Variants in CFAP210 observed in about 807,000 individuals in gnomAD.
CFAP210 encodes the protein cilia and flagella associated protein 210.
chr2:169,661,118 C>T, the CFAP210 span: 1 of 559,864 alleles, frequency 1.8e-6, no homozygotes, highest in Non-Finnish European at 3.6e-6. Context: ...TTTAATGCTG[C>T]TTCTAACCGC....
At chr2:169,655,055 A>G in the CFAP210 span, among the ~76,000 whole-genome samples, 1 of 152,256 alleles carries the variant, frequency 6.6e-6, no homozygotes, top group South Asian at 2.1e-4. Flanking sequence ...ATCTGTTCAT[A>G]TTAGCATATG....
chr2:169,668,318 T>C, the CFAP210 span, among the ~76,000 whole-genome samples: 1 of 152,244 alleles, frequency 6.6e-6, no homozygotes, highest in African/African-American at 2.4e-5. Flanking sequence ...CTTAAGGGAA[T>C]GTCAGGGCTG....
At chr2:169,656,123 C>T in the CFAP210 span, among the ~76,000 whole-genome samples, 2 of 152,098 alleles carry the variant, frequency 1.3e-5, no homozygotes, top group African/African-American at 4.8e-5. Flanking sequence ...ACCATCTCTA[C>T]AAAAAAGACC....
chr2:169,645,533 G>A, the CFAP210 span: 2 of 253,922 alleles, frequency 7.9e-6, no homozygotes, highest in Non-Finnish European at 1.5e-5. Context: ...GAATGGGTAT[G>A]GGGTTTCTAG....
At chr2:169,684,648 C>CGTTGTT in the CFAP210 span, among the ~76,000 whole-genome samples, 11 of 151,548 alleles carry the variant, frequency 7.3e-5, no homozygotes, top group Non-Finnish European at 1.2e-4. Context: ...GATTCCTTTT[C>CGTTGTT]GTTGTTGTTG....
chr2:169,657,516 G>C, the CFAP210 span, among the ~76,000 whole-genome samples: 2 of 152,094 alleles, frequency 1.3e-5, no homozygotes, highest in Non-Finnish European at 2.9e-5. Flanking sequence ...CCAAGAGTTC[G>C]AGACCAGCCT....
At chr2:169,670,487 T>C in the CFAP210 span, among the ~76,000 whole-genome samples, 5 of 152,340 alleles carry the variant, frequency 3.3e-5, no homozygotes, top group Admixed American at 2.6e-4. Context: ...TAAAACTTAA[T>C]AGCTTAAAAC....
the CFAP210 span, chr2:169,681,166 C>CT: frequency 6.2e-7 from 1 of 1,613,928 alleles, no homozygotes; most frequent in Non-Finnish European, 8.5e-7. Flanking sequence ...TGGTGACCTG[C>CT]TGGAGATCTA....
chr2:169,663,275 T>C, the CFAP210 span, among the ~76,000 whole-genome samples: 22 of 52,824 alleles, frequency 4.2e-4, no homozygotes, highest in South Asian at 7.5e-3. Context: ...CTCTCTCTCT[T>C]TTTTTTTTTT....
chr2:169,686,571 A>C, the CFAP210 span, among the ~76,000 whole-genome samples: 5 of 152,190 alleles, frequency 3.3e-5, no homozygotes, highest in African/African-American at 1.2e-4. Flanking sequence ...GTCTGGAAGT[A>C]ATGCAGGGCA....
chr2:169,681,016 A>G, the CFAP210 span: 1 of 1,613,712 alleles, frequency 6.2e-7, no homozygotes, highest in Non-Finnish European at 8.5e-7. Context: ...CTGCATATGT[A>G]TTAGTCCAGT....
chr2:169,692,440 G>GCA, the CFAP210 span, among the ~76,000 whole-genome samples: 2 of 92,116 alleles, frequency 2.2e-5, no homozygotes, highest in African/African-American at 9.6e-5. Flanking sequence ...GGCAACAGGC[G>GCA]CACGCACACA....
the CFAP210 span, chr2:169,645,831 TA>T: frequency 2.6e-6 from 4 of 1,565,166 alleles, no homozygotes; most frequent in South Asian, 1.1e-5. Flanking sequence ...ATGTTAAAAA[TA>T]ATTTTTTTCT....
chr2:169,688,331 A>G, the CFAP210 span, among the ~76,000 whole-genome samples: 26 of 152,270 alleles, frequency 1.7e-4, no homozygotes, highest in South Asian at 5.2e-3. Context: ...TCAGGCTACA[A>G]ATTTTCTGAA....
the CFAP210 span, among the ~76,000 whole-genome samples, chr2:169,682,925 T>C: frequency 6.6e-6 from 1 of 152,214 alleles, no homozygotes; most frequent in Non-Finnish European, 1.5e-5. Flanking sequence ...GACTAGCGCC[T>C]GGTACATAAT....
chr2:169,694,382 C>G, the CFAP210 span: 5 of 1,564,504 alleles, frequency 3.2e-6, no homozygotes, highest in Non-Finnish European at 2.6e-6. Flanking sequence ...GGACGCCAGC[C>G]GGTGGAGTTG....
the CFAP210 span, among the ~76,000 whole-genome samples, chr2:169,685,849 C>T: frequency 6.6e-6 from 1 of 151,992 alleles, no homozygotes; most frequent in East Asian, 1.9e-4. Flanking sequence ...ATCCACTTAT[C>T]CCAGCACCAT....
chr2:169,677,479 T>C, the CFAP210 span, among the ~76,000 whole-genome samples: 1 of 152,112 alleles, frequency 6.6e-6, no homozygotes, highest in African/African-American at 2.4e-5. Context: ...TCAATAGACA[T>C]CAAAAAAAGT....
chr2:169,650,734 CTGTGTGTGTG>C, the CFAP210 span, among the ~76,000 whole-genome samples: 14,258 of 147,198 alleles, frequency 0.097, 820 homozygotes, highest in Middle Eastern at 0.19. Flanking sequence ...TATGTATAAT[CTGTGTGTGTG>C]TGTGTGTGTG....
Sources: gnomAD v4.1 joint callset for allele counts (sites outside exome capture counted in the v4.1 genomes callset) on GRCh38, gnomAD v4.1.1 for gene constraint, MANE v1.5 for transcripts, NCBI Gene and HGNC (gene_info 2026-07-23, HGNC 2026-07-21) for gene names.